Variants in RNF10 observed in about 807,000 individuals in gnomAD.
The protein encoded by RNF10 is ring finger protein 10.
Under a neutral mutation model 91.4 loss-of-function variants are expected in RNF10, and 38 were observed. That is an observed-to-expected ratio of 0.42 (90% CI 0.32 to 0.54). RNF10 has a LOEUF of 0.54. RNF10 is among the 20% of genes least tolerant of loss of function. The pLI, the probability that RNF10 is intolerant of heterozygous loss-of-function variation, is 0.16. For missense variants in RNF10, 945 were observed against 1,012.0 expected (o/e 0.93, Z 0.90); for synonymous variants, 364 against 366.3 (o/e 0.99, Z 0.07).
At chr12:120,548,597 A>G (rs1024357896) in intron 2 of RNF10, among the ~76,000 whole-genome samples, 1 of 152,048 alleles carries the variant, frequency 6.6e-6, no homozygotes, top group Non-Finnish European at 1.5e-5. Context: ...TTTGCTCTAA[A>G]GGGGAGCAGA....
intron 1 of RNF10, among the ~76,000 whole-genome samples, chr12:120,536,962 TGTTG>T (rs1291130342): frequency 1.3e-5 from 2 of 152,254 alleles, no homozygotes; most frequent in Non-Finnish European, 2.9e-5. Context: ...ACTTTGAATA[TGTTG>T]GTTAGTGGAA....
chr12:120,556,879 G>A (rs1204688025), intron 4 of RNF10, among the ~76,000 whole-genome samples: 3 of 151,870 alleles, frequency 2.0e-5, no homozygotes, highest in African/African-American at 4.8e-5. Flanking sequence ...AAAGCCAGGC[G>A]CGGTGGCTCA....
At chr12:120,559,590 G>A (rs1874535364) in intron 6 of RNF10, among the ~76,000 whole-genome samples, 1 of 151,930 alleles carries the variant, frequency 6.6e-6, no homozygotes, top group Admixed American at 6.6e-5. Flanking sequence ...TCACCATGTT[G>A]GCCAGCATGG....
At chr12:120,562,559 C>T (rs1875034777) in intron 7 of RNF10, among the ~76,000 whole-genome samples, 2 of 152,074 alleles carry the variant, frequency 1.3e-5, no homozygotes, top group African/African-American at 2.4e-5. Flanking sequence ...CAGGCATGAG[C>T]CACCACACCT....
intron 1 of RNF10, among the ~76,000 whole-genome samples, chr12:120,541,520 C>A (rs143473515): frequency 0.085 from 12,910 of 151,660 alleles, 687 homozygotes; most frequent in Non-Finnish European, 0.11. Flanking sequence ...CTGCTAGCCC[C>A]GCCTCCCGGG....
intron 1 of RNF10, among the ~76,000 whole-genome samples, chr12:120,536,148 G>A (rs1396161531): frequency 1.3e-5 from 2 of 152,054 alleles, no homozygotes; most frequent in African/African-American, 2.4e-5. Context: ...GAGACCGGGC[G>A]CGGTGGCTCA....
intron 2 of RNF10, among the ~76,000 whole-genome samples, chr12:120,551,298 T>TTG (rs1873038178): frequency 7.5e-6 from 1 of 133,606 alleles, no homozygotes; most frequent in African/African-American, 2.6e-5. Context: ...GTGTTTTTTT[T>TTG]TTTTTTTTTT....
At chr12:120,572,228 G>A (rs917976668) in intron 14 of RNF10, among the ~76,000 whole-genome samples, 1 of 151,594 alleles carries the variant, frequency 6.6e-6, no homozygotes, top group Non-Finnish European at 1.5e-5. Flanking sequence ...CACCACGCCC[G>A]GCTAATTTTT....
intron 1 of RNF10, among the ~76,000 whole-genome samples, chr12:120,541,006 C>T (rs1247440096): frequency 6.6e-6 from 1 of 152,126 alleles, no homozygotes. Context: ...CAGGCATGCG[C>T]CACCATGCCC....
intron 1 of RNF10, among the ~76,000 whole-genome samples, chr12:120,542,696 G>A (rs75400502): frequency 0.086 from 13,015 of 152,102 alleles, 702 homozygotes; most frequent in Non-Finnish European, 0.11. Context: ...GGGATTACAG[G>A]CGTGTGGCAC....
intron 1 of RNF10, among the ~76,000 whole-genome samples, chr12:120,541,086 A>G (rs904614089): frequency 6.6e-6 from 1 of 152,036 alleles, no homozygotes; most frequent in African/African-American, 2.4e-5. Context: ...CGAACTCCCG[A>G]CCTCAGGTGA....
chr12:120,575,485 C>T, intron 14 of RNF10, 146 bp from the exon 15 acceptor site: 1 of 807,754 alleles, frequency 1.2e-6, no homozygotes, highest in Middle Eastern at 2.9e-4. Context: ...ATGACTAGAA[C>T]AGTGTGTTAA....
Position 120,552,120 on chromosome 12 carries a change from C to T in RNF10, c.355-379C>T, listed in dbSNP as rs1363480118. Among the ~76,000 whole-genome samples the T allele has an allele frequency of 3.6e-5, 5 of 140,000 alleles. 1 individual carries two copies. Among genetic ancestry groups the T allele is most frequent in the Non-Finnish European group, 6.1e-5 (4 of 65,800 alleles). The allele number at this position is 140,000 out of a possible 152,430, so 91.8% of individuals were successfully genotyped here. A position where few individuals can be genotyped will look rare whatever the true frequency, so the allele number is the denominator to read the frequency against. The stretch of plus-strand genomic sequence containing the variant: ...AAAAAAATTCCTCTTCCTGGCCGGG[C>T]GAGGTGGCTCATGCCTGTAATCCCA... On this transcript the variant is annotated intron_variant, in intron 2 of 16. Coordinates refer to ENST00000325954, the MANE Select transcript of RNF10 (RefSeq NM_014868.5).
chr12:120,553,555 C>A (rs1210828367), intron 3 of RNF10, among the ~76,000 whole-genome samples: 1 of 151,542 alleles, frequency 6.6e-6, no homozygotes, highest in Non-Finnish European at 1.5e-5. Flanking sequence ...CAGGCGCCCA[C>A]CCCCTGGCTA....
At chr12:120,558,136 A>C (rs922875925) in intron 6 of RNF10, among the ~76,000 whole-genome samples, 2 of 152,236 alleles carry the variant, frequency 1.3e-5, no homozygotes, top group African/African-American at 4.8e-5. Context: ...TCTGGGGAAA[A>C]GATAGATTTC....
In RNF10 at chr12:120,562,939, C is replaced by T. The variant is rs753719530; in HGVS notation, c.1129-6C>T. On this transcript the variant is annotated splice_region_variant and splice_polypyrimidine_tract_variant and intron_variant, in intron 7 of 16. Coordinates refer to ENST00000325954, the MANE Select transcript of RNF10 (RefSeq NM_014868.5). Reference sequence around the variant, plus strand: ...CCTTCTCTGGTGTTCTCTCTGGCCACGTTAGACTCGGGAAGAGGCTCTGTC... The same window carrying T: ...CCTTCTCTGGTGTTCTCTCTGGCCATGTTAGACTCGGGAAGAGGCTCTGTC... 55 of 1,613,734 alleles carry T rather than the reference C, an allele frequency of 3.4e-5. No homozygotes were observed. The highest frequency in any genetic ancestry group is 2.9e-4 in the East Asian group (13 of 44,876).
chr12:120,550,104 T>A (rs1472836846), intron 2 of RNF10, among the ~76,000 whole-genome samples: 1 of 152,186 alleles, frequency 6.6e-6, no homozygotes, highest in Admixed American at 6.5e-5. Context: ...AAAAGTCCAT[T>A]TTAATATGTT....
intron 12 of RNF10, among the ~76,000 whole-genome samples, chr12:120,566,305 A>G (rs1875688415): frequency 6.6e-6 from 1 of 152,208 alleles, no homozygotes; most frequent in Admixed American, 6.5e-5. Context: ...ATTAACCTGC[A>G]TGTTTGTTAC....
intron 2 of RNF10, among the ~76,000 whole-genome samples, chr12:120,547,125 A>G (rs554525938): frequency 1.3e-5 from 2 of 152,324 alleles, no homozygotes; most frequent in Non-Finnish European, 1.5e-5. Context: ...ATTACGTTTC[A>G]TACCATGCAA....
Sources: allele counts gnomAD v4.1 joint callset (sites outside exome capture counted in the v4.1 genomes callset), GRCh38; gene constraint gnomAD v4.1.1; transcripts MANE v1.5; gene names NCBI Gene and HGNC (gene_info 2026-07-23, HGNC 2026-07-21).